Variants in CDH13 observed in about 807,000 individuals in gnomAD.
CDH13 encodes cadherin-13.
A neutral mutation model predicts 63.8 loss-of-function variants in CDH13; 24 were observed. The observed-to-expected ratio is 0.38, with a 90% confidence interval of 0.27 to 0.53. The LOEUF (loss-of-function observed/expected upper bound fraction) is 0.53, where lower values mean the gene tolerates loss of function less well. CDH13 is among the 20% of genes least tolerant of loss of function. The pLI, the probability that CDH13 is intolerant of heterozygous loss-of-function variation, is 0.85. For missense variants in CDH13, 1,049 were observed against 903.1 expected, an observed-to-expected ratio of 1.16 and a Z score of -2.07; for synonymous variants, 503 against 355.3, an observed-to-expected ratio of 1.42 and a Z score of -4.67.
chr16:82,977,759 G>A (rs1482671923), intron 2 of CDH13, among the ~76,000 whole-genome samples: 5 of 152,190 alleles, frequency 3.3e-5, no homozygotes, highest in African/African-American at 1.2e-4. Context: ...CCAAAAATGT[G>A]GAAGTGACTT....
chr16:82,684,432 C>T (rs139548775), intron 1 of CDH13, among the ~76,000 whole-genome samples: 288 of 152,130 alleles, frequency 1.9e-3, no homozygotes, highest in Non-Finnish European at 3.2e-3. Flanking sequence ...TAGATGTCTG[C>T]GGTGAGCAAG....
rs141967119 is a variant in CDH13 at position 83,530,602 on chromosome 16, C to T, written c.960+43947C>T. Among the ~76,000 whole-genome samples, 3 of 152,352 alleles carry T rather than the reference C, an allele frequency of 2.0e-5. No individual in the cohort carries two copies. In the East Asian group the frequency reaches 5.8e-4, roughly 29 times the overall value. ...CCCAGCACCCAGGCTTTCACATCAA[C>T]CACGCACCAACCATCACAGCAGCTG... On this transcript the variant is annotated intron_variant, in intron 7 of 13. Transcript: ENST00000567109.
rs561911806 is a variant in CDH13, at chr16:83,266,082, G to A, written c.636+48585G>A. ...ATCCCTAGTACCTGAGATTACAGGC[G>A]CCTGCCACCACGTCCGGCTAATTTT... On this transcript the variant is annotated intron_variant, in intron 5 of 13. Coordinates refer to ENST00000567109, the MANE Select transcript of CDH13 (RefSeq NM_001257.5). 2.5e-3 allele frequency among the ~76,000 whole-genome samples: 381 copies of A among 152,004 alleles called. 1 individual carries two copies. Among genetic ancestry groups the A allele is most frequent in the African/African-American group, 8.4e-3 (350 of 41,462 alleles).
chr16:83,090,011 G>A (rs1338884960), intron 3 of CDH13, among the ~76,000 whole-genome samples: 1 of 152,142 alleles, frequency 6.6e-6, no homozygotes, highest in African/African-American at 2.4e-5. Flanking sequence ...CTAGAAGCAT[G>A]TAACATGAAT....
At chr16:83,088,242 T>A (rs1213396861) in intron 3 of CDH13, among the ~76,000 whole-genome samples, 2 of 152,220 alleles carry the variant, frequency 1.3e-5, no homozygotes, top group African/African-American at 2.4e-5. Context: ...TATTTCCTTA[T>A]GCTGAGGGTG....
chr16:83,027,050 A>T (rs1915873423), intron 2 of CDH13, among the ~76,000 whole-genome samples: 1 of 151,188 alleles, frequency 6.6e-6, no homozygotes, highest in African/African-American at 2.4e-5. Flanking sequence ...CGGGCCTCTT[A>T]TCCCAATTCA....
intron 5 of CDH13, among the ~76,000 whole-genome samples, chr16:83,267,107 C>T (rs939581054): frequency 2.6e-5 from 4 of 152,154 alleles, no homozygotes; most frequent in African/African-American, 9.7e-5. Flanking sequence ...TCCTGAAGTG[C>T]AGCAGAGACA....
At chr16:83,146,246 A>G (rs1229225484) in intron 4 of CDH13, among the ~76,000 whole-genome samples, 3 of 152,172 alleles carry the variant, frequency 2.0e-5, no homozygotes, top group African/African-American at 4.8e-5. Context: ...AGGCAGGAAG[A>G]AAGGAAAGAA....
At chr16:83,153,891 G>A (rs1157269946) in intron 4 of CDH13, among the ~76,000 whole-genome samples, 4 of 152,288 alleles carry the variant, frequency 2.6e-5, no homozygotes, top group Middle Eastern at 3.4e-3. Flanking sequence ...GAAATTAAGA[G>A]CAATTCTGGA....
rs149976725 is a variant in CDH13 at position 83,110,725 on chromosome 16, G to A, written c.367-14660G>A. ...ACTCAGACATCTCTGGATCCAACCAGCTTTTGTTTTGCCAGGGTCGGGCTT... is the reference window on the plus strand; with the variant it reads ...ACTCAGACATCTCTGGATCCAACCAACTTTTGTTTTGCCAGGGTCGGGCTT... On this transcript the variant is annotated intron_variant, in intron 3 of 13. Coordinates refer to ENST00000567109, the MANE Select transcript of CDH13 (RefSeq NM_001257.5). Among the ~76,000 whole-genome samples the A allele has an allele frequency of 1.2e-4, 19 of 152,140 alleles. 1 individual carries two copies. The East Asian group carries it at 3.7e-3, about 29-fold the overall frequency.
intron 5 of CDH13, among the ~76,000 whole-genome samples, chr16:83,284,143 T>C (rs138047159): frequency 6.6e-6 from 1 of 152,290 alleles, no homozygotes; most frequent in East Asian, 1.9e-4. Flanking sequence ...AAAGAGCATG[T>C]ATTTCTTGTC....
intron 1 of CDH13, among the ~76,000 whole-genome samples, chr16:82,665,498 C>G (rs1912479158): frequency 1.3e-5 from 2 of 152,146 alleles, no homozygotes; most frequent in Admixed American, 6.6e-5. Flanking sequence ...GTTAAGTATT[C>G]ATGGTGACTT....
At chr16:83,668,099 G>A (rs957188116) in intron 8 of CDH13, among the ~76,000 whole-genome samples, 6 of 152,140 alleles carry the variant, frequency 3.9e-5, no homozygotes, top group Non-Finnish European at 7.4e-5. Context: ...TGGTCTTCTG[G>A]AACACTCAGG....
At chr16:83,636,036 G>T (rs117843723) in intron 8 of CDH13, among the ~76,000 whole-genome samples, 2 of 151,844 alleles carry the variant, frequency 1.3e-5, no homozygotes, top group African/African-American at 2.4e-5. Context: ...ACACACAGTT[G>T]CTCCAGTAGC....
intron 1 of CDH13, among the ~76,000 whole-genome samples, chr16:82,698,107 C>T (rs890850134): frequency 2.0e-5 from 3 of 152,126 alleles, no homozygotes; most frequent in Non-Finnish European, 4.4e-5. Flanking sequence ...CTTGGACAGG[C>T]AGGTTCTAAC....
chr16:83,508,099 A>AAGGAAG lies in CDH13; in HGVS notation c.960+21444_960+21445insAGGAAG, dbSNP rs1491205296. Among the ~76,000 whole-genome samples the AAGGAAG allele has an allele frequency of 6.1e-3, 364 of 59,778 alleles. 17 individuals carry two copies. The highest frequency in any genetic ancestry group is 0.017 in the South Asian group (20 of 1,162). The allele number at this position is 59,778 out of a possible 152,430, so 39.2% of individuals were successfully genotyped here. On this transcript the variant is annotated intron_variant, in intron 7 of 13. Coordinates refer to ENST00000567109, the MANE Select transcript of CDH13 (RefSeq NM_001257.5). ...AGGAAGGAAGGAAGGAAGGAAGGAA[A>AAGGAAG]GAAGGAAGGAAAAGGAAGGAAGGGA...
rs115205758 is a variant in CDH13 at position 82,727,139 on chromosome 16, T to G, written c.45+100002T>G. 5.0e-3 allele frequency among the ~76,000 whole-genome samples: 765 copies of G among 151,902 alleles called. 7 individuals are homozygous for G. Among genetic ancestry groups the G allele is most frequent in the Middle Eastern group, 0.017 (5 of 294 alleles). Reference sequence around the variant, plus strand: ...ATGCGCAGGTGGTATAGGGAAGGAGTGGCAAATCAAATGACAGCAACAGAG... The same window carrying G: ...ATGCGCAGGTGGTATAGGGAAGGAGGGGCAAATCAAATGACAGCAACAGAG... On this transcript the variant is annotated intron_variant, in intron 1 of 13. Transcript: ENST00000567109.
intron 3 of CDH13, among the ~76,000 whole-genome samples, chr16:83,065,259 G>A (rs1016624492): frequency 2.6e-5 from 4 of 152,184 alleles, no homozygotes; most frequent in African/African-American, 9.7e-5. Flanking sequence ...AAGCTTGAAG[G>A]TAGAAGAAAA....
At chr16:82,805,274 A>G (rs2037085845) in intron 1 of CDH13, among the ~76,000 whole-genome samples, 2 of 152,196 alleles carry the variant, frequency 1.3e-5, no homozygotes, top group Non-Finnish European at 2.9e-5. Context: ...AGAAGTGATT[A>G]GATGATAAAG....
Sources: gnomAD v4.1 joint callset for allele counts (sites outside exome capture counted in the v4.1 genomes callset) on GRCh38, gnomAD v4.1.1 for gene constraint, MANE v1.5 for transcripts, NCBI Gene and HGNC (gene_info 2026-07-23, HGNC 2026-07-21) for gene names.